DLGAP1: variants seen among roughly 807,000 people sequenced by gnomAD.
The protein encoded by DLGAP1 is disks large-associated protein 1.
In DLGAP1, 11 loss-of-function variants were observed where a neutral mutation model predicts 90.8. The ratio of observed to expected loss-of-function variants is 0.12; its 90% CI spans 0.08 to 0.20. The LOEUF is 0.20. DLGAP1 is among the 10% of genes least tolerant of loss of function. The pLI, the probability that DLGAP1 is intolerant of heterozygous loss-of-function variation, is 1.00. For missense variants in DLGAP1, 1,050 were observed against 1,333.8 expected (o/e 0.79, Z 3.31); for synonymous variants, 558 against 540.7 (o/e 1.03, Z -0.44).
intron 1 of DLGAP1, among the ~76,000 whole-genome samples, chr18:4,276,548 C>T (rs1598791012): frequency 6.6e-6 from 1 of 151,458 alleles, no homozygotes; most frequent in Non-Finnish European, 1.5e-5. Flanking sequence ...AGGTGGGAGA[C>T]TCACTTTAAC....
At chr18:4,440,120 C>CAAAAAAAAAA (rs35152199) in intron 1 of DLGAP1, among the ~76,000 whole-genome samples, 1 of 49,354 alleles carries the variant, frequency 2.0e-5, no homozygotes, top group African/African-American at 7.9e-5. Context: ...ACTCCGTCAC[C>CAAAAAAAAAA]AAAAAAAAAA....
intron 1 of DLGAP1, among the ~76,000 whole-genome samples, chr18:4,221,623 GCAGA>G (rs2078078653): frequency 6.6e-6 from 1 of 152,160 alleles, no homozygotes; most frequent in South Asian, 2.1e-4. Flanking sequence ...CAGGACATCA[GCAGA>G]CGTGAAGTTG....
chr18:3,772,367 T>G (rs868853508), intron 5 of DLGAP1, among the ~76,000 whole-genome samples: 29 of 12,154 alleles, frequency 2.4e-3, no homozygotes, highest in African/African-American at 4.6e-3. Flanking sequence ...TTTCTTTCTT[T>G]CTTTCTTTCT....
intron 4 of DLGAP1, among the ~76,000 whole-genome samples, chr18:3,828,274 G>A (rs1383190330): frequency 6.6e-6 from 1 of 152,178 alleles, no homozygotes; most frequent in Non-Finnish European, 1.5e-5. Context: ...GAATCCTGAA[G>A]TTTGAATGCT....
intron 1 of DLGAP1, among the ~76,000 whole-genome samples, chr18:4,296,150 C>T (rs2143148065): frequency 6.6e-6 from 1 of 152,236 alleles, no homozygotes; most frequent in South Asian, 2.1e-4. Flanking sequence ...ACATTATGGC[C>T]CCACCACCCT....
chr18:3,675,366 T>C (rs1281183637), intron 7 of DLGAP1, among the ~76,000 whole-genome samples: 1 of 152,206 alleles, frequency 6.6e-6, no homozygotes, highest in Non-Finnish European at 1.5e-5. Context: ...TGCTCCACCG[T>C]ACCCAGCCAG....
Position 3,772,216 on chromosome 18 carries a change from C to CTT in DLGAP1, c.1173-29705_1173-29704insAA, listed in dbSNP as rs777851093. ...TTTCTCTTCTTCTCTCCTTTTCTTT[C>CTT]TCTCTTTCTTTTCTTTCTCTCCTTC... is the stretch of plus-strand genomic sequence containing the variant. On this transcript the variant is annotated intron_variant, in intron 5 of 12. Transcript: ENST00000315677. 3.1e-3 allele frequency among the ~76,000 whole-genome samples: 425 copies of CTT among 138,954 alleles called. 2 individuals carry two copies. The highest frequency in any genetic ancestry group is 5.4e-3 in the African/African-American group (195 of 36,318). The allele number at this position is 138,954 out of a possible 152,430, so 91.2% of individuals were successfully genotyped here. A position where few individuals can be genotyped will look rare whatever the true frequency, so the allele number is the denominator to read the frequency against.
At chr18:4,312,773 T>C (rs570738661) in intron 1 of DLGAP1, among the ~76,000 whole-genome samples, 2 of 152,364 alleles carry the variant, frequency 1.3e-5, no homozygotes, top group East Asian at 3.9e-4. Flanking sequence ...TAATCGTTTC[T>C]GTGCCAAAGT....
rs893972350 is a variant in DLGAP1 at position 3,517,372 on chromosome 18, G to A, written c.2480-8711C>T. 1.3e-5 allele frequency among the ~76,000 whole-genome samples: 2 copies of A among 152,116 alleles called. No homozygotes were observed. The highest frequency in any genetic ancestry group is 2.4e-5 in the African/African-American group (1 of 41,416). On this transcript the variant is annotated intron_variant, in intron 10 of 12. Transcript: ENST00000315677. This position sits in a 1 kb window ranked among gnomAD's most constrained non-coding sequence, Gnocchi z 4.1. ...ATCAATGATCTTAGCTAGATCTTCT[G>A]GATAACTTACTGCAGCTTCTCCATC...
At chr18:4,109,707 G>C (rs1247218576) in intron 2 of DLGAP1, among the ~76,000 whole-genome samples, 2 of 152,052 alleles carry the variant, frequency 1.3e-5, no homozygotes, top group Non-Finnish European at 2.9e-5. Context: ...CCTATACCAA[G>C]TTCAAAACTT....
At chr18:4,180,153 C>T (rs574746719) in intron 1 of DLGAP1, among the ~76,000 whole-genome samples, 8 of 152,198 alleles carry the variant, frequency 5.3e-5, no homozygotes, top group Admixed American at 5.2e-4. Context: ...TTTCATAATA[C>T]GACTCTCTCC....
chr18:3,913,828 G>GAATATTACATGA (rs1396648298), intron 3 of DLGAP1, among the ~76,000 whole-genome samples: 1 of 152,130 alleles, frequency 6.6e-6, no homozygotes, highest in Non-Finnish European at 1.5e-5. Flanking sequence ...ATGTTACAAG[G>GAATATTACATGA]AACATTACAT....
chr18:4,012,990 C>T (rs987146805), intron 2 of DLGAP1, among the ~76,000 whole-genome samples: 3 of 152,206 alleles, frequency 2.0e-5, no homozygotes, highest in Non-Finnish European at 4.4e-5. Context: ...CAGGTGTGAG[C>T]CACCGGTCCC....
intron 7 of DLGAP1, among the ~76,000 whole-genome samples, chr18:3,658,898 C>T (rs774587405): frequency 8.0e-5 from 12 of 150,006 alleles, no homozygotes; most frequent in Non-Finnish European, 1.6e-4. Context: ...TTAAACAAAT[C>T]ATCAGGGAAG....
intron 10 of DLGAP1, among the ~76,000 whole-genome samples, chr18:3,530,091 T>C (rs896835809): frequency 3.3e-5 from 5 of 152,098 alleles, no homozygotes; most frequent in Non-Finnish European, 5.9e-5. Context: ...AACAGATAAG[T>C]AGTTTCCAAG....
At chr18:3,789,660 A>G (rs896955034) in intron 5 of DLGAP1, among the ~76,000 whole-genome samples, 8 of 152,236 alleles carry the variant, frequency 5.3e-5, no homozygotes, top group African/African-American at 1.7e-4. Flanking sequence ...ACTTAAGTCA[A>G]CAGGAAAGTT....
chr18:3,502,756 T>C lies in DLGAP1; in HGVS notation c.2572-111A>G. 2 of 1,275,716 alleles carry C rather than the reference T, an allele frequency of 1.6e-6. 1 individual carries two copies. Among genetic ancestry groups the C allele is most frequent in the South Asian group, 3.1e-5 (2 of 65,488 alleles). The allele number at this position is 1,275,716 out of a possible 1,614,324, so 79.0% of individuals were successfully genotyped here. ...ACAACATAAGGAGGACTAGTTCCTT[T>C]TGGTTTTCCGACACGAGGTAAAAGT... is the stretch of plus-strand genomic sequence containing the variant. On this transcript the variant is annotated intron_variant, in intron 11 of 12. Transcript: ENST00000315677.
chr18:3,756,270 C>T (rs1245775423), intron 5 of DLGAP1, among the ~76,000 whole-genome samples: 4 of 151,972 alleles, frequency 2.6e-5, no homozygotes, highest in Non-Finnish European at 4.4e-5. Flanking sequence ...AGGATGGTCT[C>T]GATCTCCTGA....
At chr18:4,047,252 T>G (rs902772766) in intron 2 of DLGAP1, among the ~76,000 whole-genome samples, 1 of 152,248 alleles carries the variant, frequency 6.6e-6, no homozygotes, top group African/African-American at 2.4e-5. Flanking sequence ...TTGCTTTAAC[T>G]ATAATAACAC....
Sources: allele counts gnomAD v4.1 joint callset (sites outside exome capture counted in the v4.1 genomes callset), GRCh38; gene constraint gnomAD v4.1.1; non-coding constraint Gnocchi (gnomAD v3.1); transcripts MANE v1.5; gene names NCBI Gene and HGNC (gene_info 2026-07-23, HGNC 2026-07-21).